CDH18: variants seen among roughly 807,000 people sequenced by gnomAD.
CDH18 encodes cadherin-18.
A neutral mutation model predicts 67.9 loss-of-function variants in CDH18; 31 were observed. The ratio of observed to expected loss-of-function variants is 0.46; its 90% CI spans 0.34 to 0.62. The LOEUF (loss-of-function observed/expected upper bound fraction) is 0.62, where lower values mean the gene tolerates loss of function less well. Among genes scored for constraint, CDH18 ranks in the 20% least tolerant of loss-of-function variants. The probability of loss-of-function intolerance (pLI) is 0.01; values close to 1 mark genes in which losing one functional copy is unlikely to be tolerated. For missense variants in CDH18, 890 were observed against 975.5 expected, an observed-to-expected ratio of 0.91 and a Z score of 1.17; for synonymous variants, 362 against 347.2, an observed-to-expected ratio of 1.04 and a Z score of -0.48.
intron 2 of CDH18, among the ~76,000 whole-genome samples, chr5:19,937,886 AT>A (rs1399563756): frequency 4.7e-5 from 7 of 150,444 alleles, no homozygotes; most frequent in South Asian, 4.2e-4. Flanking sequence ...GAGAAAGGAA[AT>A]TTTTTTTATT....
At chr5:20,146,171 A>C (rs1750629573) in intron 2 of CDH18, among the ~76,000 whole-genome samples, 1 of 152,036 alleles carries the variant, frequency 6.6e-6, no homozygotes. Flanking sequence ...AATTTTACCA[A>C]GTGAAACTTT....
At chr5:20,009,554 T>A (rs1737218015) in intron 2 of CDH18, among the ~76,000 whole-genome samples, 1 of 152,026 alleles carries the variant, frequency 6.6e-6, no homozygotes, top group Non-Finnish European at 1.5e-5. Flanking sequence ...TGGTGGCGAG[T>A]TAATCTATAT....
At chr5:19,778,320 A>G (rs1412428062) in intron 3 of CDH18, among the ~76,000 whole-genome samples, 1 of 152,188 alleles carries the variant, frequency 6.6e-6, no homozygotes, top group East Asian at 1.9e-4. Context: ...CACCTCTTGT[A>G]TTTCATATTT....
chr5:20,091,685 T>C (rs1309620438), intron 2 of CDH18, among the ~76,000 whole-genome samples: 2 of 152,176 alleles, frequency 1.3e-5, no homozygotes, highest in Admixed American at 1.3e-4. Flanking sequence ...ATTATTCTTC[T>C]TATAAAAATT....
rs1754623479 is a variant in CDH18, at chr5:19,645,576, TGTAAAGA to T, written c.644-32982_644-32976del. Among the ~76,000 whole-genome samples the T allele has an allele frequency of 5.3e-5, 8 of 152,344 alleles. 1 individual carries two copies. The South Asian group carries it at 1.7e-3, about 32-fold the overall frequency. ...TTATCCTGTATAGGCTAAGCTGTTT[TGTAAAGA>T]GTAGTGATTTATTTCTTGCTTATAT... On this transcript the variant is annotated intron_variant, in intron 5 of 12. Coordinates refer to ENST00000382275, the MANE Select transcript of CDH18 (RefSeq NM_004934.5).
chr5:20,394,316 A>T, intron 1 of CDH18, among the ~76,000 whole-genome samples: 1 of 152,098 alleles, frequency 6.6e-6, no homozygotes, highest in Non-Finnish European at 1.5e-5. Context: ...GGAAAAGGAC[A>T]CACTATTCCA....
chr5:20,405,111 A>C (rs181872131), intron 1 of CDH18, among the ~76,000 whole-genome samples: 46 of 152,290 alleles, frequency 3.0e-4, no homozygotes, highest in African/African-American at 1.0e-3. Context: ...GGAACCAAAA[A>C]AGAGCCCACA....
Position 20,304,299 on chromosome 5 carries a change from G to A in CDH18, c.-579-48794C>T, listed in dbSNP as rs1212371296. 11 of 1,601,294 alleles carry A rather than the reference G, an allele frequency of 6.9e-6. No individual in the cohort carries two copies. The East Asian group carries it at 1.6e-4, about 23-fold the overall frequency. ...AGCTGTGTCTTCTGATTTGCTGTAG[G>A]TTTTAAATGCAGAGTACCTATGACT... On this transcript the variant is annotated intron_variant, in intron 1 of 14. Coordinates refer to the CDH18 transcript ENST00000507958.
chr5:19,720,152 T>C (rs1174681508), intron 5 of CDH18, among the ~76,000 whole-genome samples: 1 of 152,164 alleles, frequency 6.6e-6, no homozygotes, highest in African/African-American at 2.4e-5. Flanking sequence ...TGTTTTTAGT[T>C]GGATGTGCCT....
At chr5:19,758,417 C>A (rs577980201) in intron 3 of CDH18, among the ~76,000 whole-genome samples, 2 of 152,352 alleles carry the variant, frequency 1.3e-5, no homozygotes, top group East Asian at 3.9e-4. Context: ...TGGTGGCCTG[C>A]AAAAGGCTCC....
intron 1 of CDH18, among the ~76,000 whole-genome samples, chr5:20,514,296 G>C (rs1453675241): frequency 6.6e-6 from 1 of 152,004 alleles, no homozygotes; most frequent in Non-Finnish European, 1.5e-5. Context: ...GCAGCTCCTG[G>C]AGGTAAGCGG....
chr5:19,818,297 T>A (rs1456902971), intron 3 of CDH18, among the ~76,000 whole-genome samples: 2 of 152,148 alleles, frequency 1.3e-5, no homozygotes, highest in African/African-American at 4.8e-5. Flanking sequence ...TATTATCTCA[T>A]GAAGACAAGA....
chr5:20,363,407 C>G (rs944074131), intron 1 of CDH18, among the ~76,000 whole-genome samples: 1 of 146,836 alleles, frequency 6.8e-6, no homozygotes, highest in Admixed American at 7.0e-5. Flanking sequence ...ATCACTTGAA[C>G]CTGGGAGGCA....
intron 2 of CDH18, among the ~76,000 whole-genome samples, chr5:20,219,705 G>A (rs1042041217): frequency 2.0e-5 from 3 of 151,738 alleles, no homozygotes; most frequent in Non-Finnish European, 4.4e-5. Flanking sequence ...GTGATATATG[G>A]TATGAACAGA....
chr5:19,855,197 T>A (rs747138803), intron 2 of CDH18, among the ~76,000 whole-genome samples: 10 of 152,240 alleles, frequency 6.6e-5, no homozygotes, highest in Non-Finnish European at 1.3e-4. Flanking sequence ...TTTCATCTTG[T>A]TCCCCTGCTC....
intron 5 of CDH18, among the ~76,000 whole-genome samples, chr5:19,683,103 CTCTATCTA>C (rs70950083): frequency 2.0e-5 from 3 of 149,050 alleles, no homozygotes; most frequent in African/African-American, 5.0e-5. Flanking sequence ...CAACATATAA[CTCTATCTA>C]TCTATCTATC....
intron 2 of CDH18, among the ~76,000 whole-genome samples, chr5:20,248,848 T>C (rs1743588301): frequency 6.6e-6 from 1 of 152,224 alleles, no homozygotes; most frequent in South Asian, 2.1e-4. Flanking sequence ...TAATCACACC[T>C]ATATCACAGT....
chr5:19,487,853 G>A (rs952155004), intron 11 of CDH18, among the ~76,000 whole-genome samples: 8 of 152,046 alleles, frequency 5.3e-5, no homozygotes, highest in African/African-American at 1.9e-4. Context: ...TATTTGAAAA[G>A]CAATCATAAT....
chr5:20,505,633 A>G (rs191154084), intron 1 of CDH18, among the ~76,000 whole-genome samples: 2 of 152,300 alleles, frequency 1.3e-5, no homozygotes, highest in Admixed American at 1.3e-4. Flanking sequence ...ACACATACAC[A>G]TTTTACAAAT....
Sources: allele counts gnomAD v4.1 joint callset (sites outside exome capture counted in the v4.1 genomes callset), GRCh38; gene constraint gnomAD v4.1.1; transcripts MANE v1.5; gene names NCBI Gene and HGNC (gene_info 2026-07-23, HGNC 2026-07-21).